UNC5D: variants seen among roughly 807,000 people sequenced by gnomAD.
UNC5D encodes netrin receptor UNC5D.
Under a neutral mutation model 105.4 loss-of-function variants are expected in UNC5D, and 39 were observed. The observed-to-expected ratio is 0.37, with a 90% confidence interval of 0.29 to 0.48. The LOEUF is 0.48. Among genes scored for constraint, UNC5D ranks in the 20% least tolerant of loss-of-function variants. UNC5D has a pLI of 0.98. For missense variants in UNC5D, 991 were observed against 1,202.4 expected (o/e 0.82, Z 2.60); for synonymous variants, 452 against 450.4 (o/e 1.00, Z -0.04).
chr8:35,420,670 A>C (rs1304846659), intron 1 of UNC5D, among the ~76,000 whole-genome samples: 1 of 152,010 alleles, frequency 6.6e-6, no homozygotes, highest in Non-Finnish European at 1.5e-5. Flanking sequence ...TTAATAACCT[A>C]TAGTTTAAGA....
chr8:35,499,382 G>T (rs548172276), intron 1 of UNC5D, among the ~76,000 whole-genome samples: 1 of 152,068 alleles, frequency 6.6e-6, no homozygotes, highest in African/African-American at 2.4e-5. Flanking sequence ...CTCCCTCTTG[G>T]TTGTTTATTT....
intron 8 of UNC5D, among the ~76,000 whole-genome samples, chr8:35,709,748 A>T (rs1396886834): frequency 1.3e-5 from 2 of 152,128 alleles, no homozygotes; most frequent in Admixed American, 6.6e-5. Flanking sequence ...AGGGGAGAAA[A>T]ACAAGGAAAC....
intron 3 of UNC5D, among the ~76,000 whole-genome samples, chr8:35,589,455 A>G (rs1159607131): frequency 1.3e-5 from 2 of 149,794 alleles, no homozygotes; most frequent in African/African-American, 4.9e-5. Flanking sequence ...ACTGAACCAT[A>G]TGAATGAATT....
intron 1 of UNC5D, among the ~76,000 whole-genome samples, chr8:35,423,507 T>C (rs1327765190): frequency 6.6e-6 from 1 of 152,220 alleles, no homozygotes; most frequent in East Asian, 1.9e-4. Context: ...GCTAATTCTA[T>C]TTTTCTCAGT....
intron 1 of UNC5D, among the ~76,000 whole-genome samples, chr8:35,269,284 C>G (rs1805106004): frequency 6.6e-6 from 1 of 152,202 alleles, no homozygotes; most frequent in Non-Finnish European, 1.5e-5. Flanking sequence ...CAAGCGTGCT[C>G]TAGTCAGACC....
At chr8:35,622,154 C>T (rs749664645) in intron 4 of UNC5D, among the ~76,000 whole-genome samples, 1 of 152,026 alleles carries the variant, frequency 6.6e-6, no homozygotes, top group South Asian at 2.1e-4. Context: ...CCATCCTGGC[C>T]AACATGGTGA....
chr8:35,348,705 G>A (rs1210251777), intron 1 of UNC5D, among the ~76,000 whole-genome samples: 1 of 151,828 alleles, frequency 6.6e-6, no homozygotes, highest in Non-Finnish European at 1.5e-5. Flanking sequence ...ACTATGACAA[G>A]TAAATTTGAA....
intron 4 of UNC5D, among the ~76,000 whole-genome samples, chr8:35,632,457 G>C (rs1822100877): frequency 6.6e-6 from 1 of 152,130 alleles, no homozygotes; most frequent in Non-Finnish European, 1.5e-5. Flanking sequence ...GGCCCTTCTG[G>C]AGCTTGAGTG....
intron 4 of UNC5D, among the ~76,000 whole-genome samples, chr8:35,634,066 A>G (rs1223652728): frequency 6.6e-6 from 1 of 152,236 alleles, no homozygotes; most frequent in East Asian, 1.9e-4. Context: ...TTTTAACTTT[A>G]TCACTCATTA....
At chr8:35,721,166 C>T (rs943350704) in intron 8 of UNC5D, among the ~76,000 whole-genome samples, 2 of 152,186 alleles carry the variant, frequency 1.3e-5, no homozygotes, top group Non-Finnish European at 1.5e-5. Context: ...ATTAAGTGTA[C>T]TTACCACATA....
intron 1 of UNC5D, among the ~76,000 whole-genome samples, chr8:35,301,605 G>C (rs139206049): frequency 6.6e-6 from 1 of 152,262 alleles, no homozygotes; most frequent in African/African-American, 2.4e-5. Context: ...ATAGCGTATT[G>C]AGTTGGCTGC....
At chr8:35,758,880 G>C (rs895432092) in intron 13 of UNC5D, among the ~76,000 whole-genome samples, 1 of 152,166 alleles carries the variant, frequency 6.6e-6, no homozygotes, top group African/African-American at 2.4e-5. Flanking sequence ...GCCTGCATTA[G>C]TGAAGAAAAA....
At chr8:35,403,429 T>C (rs1282918304) in intron 1 of UNC5D, among the ~76,000 whole-genome samples, 1 of 152,226 alleles carries the variant, frequency 6.6e-6, no homozygotes. Flanking sequence ...AGTAAGACAC[T>C]GAGCTAGGCA....
At position 35,683,613 on chromosome 8, in the gene UNC5D, G is replaced by A. The variant is rs895039197; in HGVS notation, c.637G>A (p.Asp213Asn). The A allele has an allele frequency of 2.5e-6, 4 of 1,580,412 alleles. No individual in the cohort carries two copies. The highest frequency in any genetic ancestry group is 3.4e-6 in the Non-Finnish European group (4 of 1,168,478). The change falls in exon 5 of 17, where the codon GAC (aspartate) becomes AAC (asparagine). Residue 213 changes from aspartate (D) to asparagine (N), a missense_variant. Coordinates refer to ENST00000404895, the MANE Select transcript of UNC5D (RefSeq NM_080872.4). ...AGACGAGAACATTGACACCAGGGCT[G>A]ACCATAACCTGATCATCAGGCAGGC... The part of the protein sequence containing the change: ...EQDENIDTRA[D>N]HNLIIRQARL...
intron 1 of UNC5D, among the ~76,000 whole-genome samples, chr8:35,504,007 G>C: frequency 6.6e-6 from 1 of 152,208 alleles, no homozygotes; most frequent in Admixed American, 6.5e-5. Flanking sequence ...TGAAATGGTT[G>C]CCAGGTTTGG....
intron 1 of UNC5D, among the ~76,000 whole-genome samples, chr8:35,388,420 T>G (rs969225719): frequency 5.3e-5 from 8 of 152,096 alleles, no homozygotes; most frequent in Non-Finnish European, 1.0e-4. Flanking sequence ...CCCTTTTCCC[T>G]AAGTTGCCTA....
intron 1 of UNC5D, among the ~76,000 whole-genome samples, chr8:35,308,004 C>A (rs1462181040): frequency 2.0e-5 from 3 of 151,976 alleles, no homozygotes; most frequent in South Asian, 2.1e-4. Flanking sequence ...ATAGAGGCAA[C>A]TTTTTCATAC....
intron 8 of UNC5D, among the ~76,000 whole-genome samples, chr8:35,715,185 A>G (rs879670223): frequency 1.1e-4 from 17 of 152,352 alleles, no homozygotes; most frequent in Middle Eastern, 6.8e-3. Context: ...TGAAGTAGGC[A>G]TATTATGTTC....
intron 2 of UNC5D, among the ~76,000 whole-genome samples, chr8:35,552,485 G>C (rs1039545658): frequency 2.0e-5 from 3 of 152,190 alleles, no homozygotes; most frequent in African/African-American, 7.2e-5. Flanking sequence ...AGTCACCCAT[G>C]TGTATCATCC....
Sources: gnomAD v4.1 joint callset for allele counts (sites outside exome capture counted in the v4.1 genomes callset) on GRCh38, gnomAD v4.1.1 for gene constraint, MANE v1.5 for transcripts, NCBI Gene and HGNC (gene_info 2026-07-23, HGNC 2026-07-21) for gene names.